The following EFNA5 variants were observed in gnomAD, a reference collection of about 807,000 sequenced individuals.
EFNA5 encodes the protein ephrin A5, also known as ephrin-A5.
In EFNA5, 5 loss-of-function variants were observed where a neutral mutation model predicts 22.9. The observed-to-expected ratio is 0.22, with a 90% CI of 0.11 to 0.46. The LOEUF is 0.46. Ranked by LOEUF, EFNA5 falls within the 20% of genes least tolerant of loss-of-function variation. The pLI, the probability that EFNA5 is intolerant of heterozygous loss-of-function variation, is 0.99. For synonymous variants in EFNA5, 113 were observed against 112.2 expected (o/e 1.01, Z -0.04); for missense variants, 237 against 293.3 (o/e 0.81, Z 1.40).
chr5:107,496,023 T>G, intron 1 of EFNA5, among the ~76,000 whole-genome samples: 1 of 151,884 alleles, frequency 6.6e-6, no homozygotes, highest in African/African-American at 2.4e-5. Flanking sequence ...TCAACCCAAT[T>G]TCCCCAAAAT....
At chr5:107,661,355 A>C (rs1025387014) in intron 1 of EFNA5, among the ~76,000 whole-genome samples, 1 of 152,220 alleles carries the variant, frequency 6.6e-6, no homozygotes, top group African/African-American at 2.4e-5. Flanking sequence ...TGGTAAGGTG[A>C]GAAACTTAAA....
chr5:107,668,983 T>C (rs1349366535), intron 1 of EFNA5, among the ~76,000 whole-genome samples: 1 of 152,142 alleles, frequency 6.6e-6, no homozygotes, highest in Non-Finnish European at 1.5e-5. Flanking sequence ...TCTCCACTCC[T>C]GTTCAGCGGT....
At chr5:107,604,684 G>A (rs1242951993) in intron 1 of EFNA5, among the ~76,000 whole-genome samples, 1 of 152,196 alleles carries the variant, frequency 6.6e-6, no homozygotes, top group Admixed American at 6.5e-5. Context: ...ACACAGATCT[G>A]TAGTATCTAT....
At chr5:107,520,301 TG>T (rs1396504175) in intron 1 of EFNA5, among the ~76,000 whole-genome samples, 1 of 152,060 alleles carries the variant, frequency 6.6e-6, no homozygotes, top group African/African-American at 2.4e-5. Flanking sequence ...TCAATAAGAG[TG>T]AGAAAAGGGT....
intron 1 of EFNA5, among the ~76,000 whole-genome samples, chr5:107,614,940 T>C (rs1045595351): frequency 2.6e-5 from 4 of 152,162 alleles, no homozygotes; most frequent in African/African-American, 9.6e-5. Flanking sequence ...TCATTTCCTT[T>C]TCAGACATGG....
At chr5:107,443,419 C>G (rs970648688) in intron 1 of EFNA5, among the ~76,000 whole-genome samples, 2 of 152,170 alleles carry the variant, frequency 1.3e-5, no homozygotes, top group Non-Finnish European at 2.9e-5. Context: ...ACCCACTATA[C>G]CCCCTCAAGA....
chr5:107,625,831 T>G (rs917933663), intron 1 of EFNA5, among the ~76,000 whole-genome samples: 1 of 152,206 alleles, frequency 6.6e-6, no homozygotes, highest in African/African-American at 2.4e-5. Flanking sequence ...GAAATCCCTG[T>G]CTTGTTACTA....
chr5:107,400,903 A>T (rs1748064401), intron 2 of EFNA5, among the ~76,000 whole-genome samples: 1 of 152,208 alleles, frequency 6.6e-6, no homozygotes, highest in South Asian at 2.1e-4. Flanking sequence ...CTGCAAGCTT[A>T]TTGAGAGATT....
At chr5:107,407,933 G>A (rs1748266115) in intron 2 of EFNA5, among the ~76,000 whole-genome samples, 1 of 151,540 alleles carries the variant, frequency 6.6e-6, no homozygotes, top group African/African-American at 2.4e-5. Context: ...TATTACTCCT[G>A]AAGGAAAACG....
At chr5:107,554,507 A>G (rs1356800878) in intron 1 of EFNA5, among the ~76,000 whole-genome samples, 1 of 152,212 alleles carries the variant, frequency 6.6e-6, no homozygotes, top group Admixed American at 6.5e-5. Flanking sequence ...AAACATACCA[A>G]TAATAAGTAA....
intron 2 of EFNA5, among the ~76,000 whole-genome samples, chr5:107,418,761 A>G (rs1486222684): frequency 6.6e-6 from 1 of 152,154 alleles, no homozygotes; most frequent in Non-Finnish European, 1.5e-5. Flanking sequence ...TTATTGAGTA[A>G]CTTTTAAGGC....
At chr5:107,471,362 A>G (rs1580474145) in intron 1 of EFNA5, among the ~76,000 whole-genome samples, 1 of 152,028 alleles carries the variant, frequency 6.6e-6, no homozygotes, top group African/African-American at 2.4e-5. Flanking sequence ...TTAAGCTTTC[A>G]TTACCTTCAT....
chr5:107,579,857 CTCTTTCTAGT>C (rs1323744461), intron 1 of EFNA5, among the ~76,000 whole-genome samples: 1 of 152,302 alleles, frequency 6.6e-6, no homozygotes, highest in Admixed American at 6.5e-5. Context: ...GCCAAAAGAT[CTCTTTCTAGT>C]TCTTTGCAAT....
chr5:107,670,214 C>T (rs934708917), intron 1 of EFNA5, among the ~76,000 whole-genome samples: 1 of 152,044 alleles, frequency 6.6e-6, no homozygotes, highest in Non-Finnish European at 1.5e-5. Flanking sequence ...TCCCCGGCTC[C>T]CGCCCTTTTC....
Position 107,427,449 on chromosome 5 carries a change from G to A in EFNA5, c.186C>T (p.Cys62=), listed in dbSNP as rs1254979701. 5 of 1,613,836 alleles carry A rather than the reference G, an allele frequency of 3.1e-6. No homozygotes were observed. Among genetic ancestry groups the A allele is most frequent in the Middle Eastern group, 1.6e-4 (1 of 6,080 alleles). The change falls in exon 2 of 5, where the codon TGC becomes TGT. Residue 62 remains cysteine, a synonymous_variant. Coordinates refer to ENST00000333274, the MANE Select transcript of EFNA5 (RefSeq NM_001962.3). ...VCINDYLDVF[C]PHYEDSVPED... is the part of the protein sequence containing the mutation. ...CTGGGACGGAGTCCTCATAGTGAGGGCAGAAAACATCCAGGTAGTCATTGA... is the reference window on the plus strand; with the variant it reads ...CTGGGACGGAGTCCTCATAGTGAGGACAGAAAACATCCAGGTAGTCATTGA...
Position 107,533,273 on chromosome 5 carries a change from A to G in EFNA5, c.126-105764T>C, listed in dbSNP as rs540104511. Among the ~76,000 whole-genome samples, 4 of 152,168 alleles carry G rather than the reference A, an allele frequency of 2.6e-5. No individual in the cohort carries two copies. The East Asian group carries it at 7.7e-4, about 29-fold the overall frequency. On this transcript the variant is annotated intron_variant, in intron 1 of 4. Transcript: ENST00000333274. ...TATGAAGCGGGGGGATCTTTTTTTC[A>G]GGTGTGAGAGAGTTAATCTACATTC...
intron 1 of EFNA5, among the ~76,000 whole-genome samples, chr5:107,591,690 G>A (rs967743553): frequency 1.5e-4 from 22 of 147,270 alleles, no homozygotes; most frequent in Middle Eastern, 3.4e-3. Context: ...ATTTGGTGGC[G>A]GGCCCCTGTA....
intron 1 of EFNA5, among the ~76,000 whole-genome samples, chr5:107,670,049 A>C (rs1437626273): frequency 1.1e-4 from 17 of 151,024 alleles, no homozygotes; most frequent in Non-Finnish European, 1.8e-4. Context: ...AAAAAAAAAA[A>C]AAAAAACTTT....
intron 1 of EFNA5, among the ~76,000 whole-genome samples, chr5:107,624,141 A>G (rs923664631): frequency 5.3e-5 from 8 of 152,120 alleles, no homozygotes; most frequent in African/African-American, 1.9e-4. Context: ...TCCTACCTTA[A>G]TAAGTAAAAT....
Sources: allele counts gnomAD v4.1 joint callset (sites outside exome capture counted in the v4.1 genomes callset), GRCh38; gene constraint gnomAD v4.1.1; transcripts MANE v1.5; gene names NCBI Gene and HGNC (gene_info 2026-07-23, HGNC 2026-07-21).